Variants in MAGI2 observed in about 807,000 individuals in gnomAD.
The protein encoded by MAGI2 is membrane-associated guanylate kinase, WW and PDZ domain-containing protein 2.
Under a neutral mutation model 133.3 loss-of-function variants are expected in MAGI2, and 35 were observed. That is an observed-to-expected ratio of 0.26 (90% CI 0.20 to 0.35). MAGI2 has a LOEUF of 0.35. Ranked by LOEUF, MAGI2 falls within the 10% of genes least tolerant of loss-of-function variation. The pLI, the probability that MAGI2 is intolerant of heterozygous loss-of-function variation, is 1.00. For synonymous variants in MAGI2, 729 were observed against 710.6 expected (o/e 1.03, Z -0.41); for missense variants, 1,636 against 1,863.4 (o/e 0.88, Z 2.25).
intron 2 of MAGI2, among the ~76,000 whole-genome samples, chr7:78,999,778 T>C (rs1331692236): frequency 6.6e-6 from 1 of 152,194 alleles, no homozygotes; most frequent in African/African-American, 2.4e-5. Context: ...TAAGTTTCGT[T>C]TGTTTACAGA....
chr7:79,299,462 AG>A (rs1378580018), intron 1 of MAGI2, among the ~76,000 whole-genome samples: 31 of 144,702 alleles, frequency 2.1e-4, no homozygotes, highest in Admixed American at 6.8e-4. Flanking sequence ...AGGCTGAGGC[AG>A]GAGAATCGCT....
intron 9 of MAGI2, among the ~76,000 whole-genome samples, chr7:78,339,559 G>C (rs886509596): frequency 2.0e-5 from 3 of 152,158 alleles, no homozygotes; most frequent in African/African-American, 7.2e-5. Flanking sequence ...AAAAAGTAAT[G>C]GATTTGTGAA....
chr7:79,243,598 A>C (rs879788544), intron 1 of MAGI2, among the ~76,000 whole-genome samples: 53 of 152,148 alleles, frequency 3.5e-4, no homozygotes, highest in Non-Finnish European at 7.3e-4. Flanking sequence ...AAGAATTTTA[A>C]ATCTGAGAGA....
chr7:79,099,954 G>C (rs1018320612), intron 1 of MAGI2, among the ~76,000 whole-genome samples: 1 of 152,124 alleles, frequency 6.6e-6, no homozygotes, highest in Non-Finnish European at 1.5e-5. Context: ...AAATAATTGT[G>C]TATATGTCCT....
Position 78,161,866 on chromosome 7 carries a change from G to C in MAGI2, c.2597-1593C>G, listed in dbSNP as rs79538864. Among the ~76,000 whole-genome samples, 494 of 152,206 alleles carry C rather than the reference G, an allele frequency of 3.2e-3. 10 individuals carry two copies. The South Asian group carries it at 0.05, about 15-fold the overall frequency. On this transcript the variant is annotated intron_variant, in intron 15 of 21. Coordinates refer to ENST00000354212, the MANE Select transcript of MAGI2 (RefSeq NM_012301.4). ...TTAATCACGTTTAAATAAAGGAAAA[G>C]ATGGATGCTTTTTGTAAGAAATGTA...
At chr7:79,434,263 G>A (rs1055544925) in intron 1 of MAGI2, among the ~76,000 whole-genome samples, 2 of 152,138 alleles carry the variant, frequency 1.3e-5, no homozygotes, top group Admixed American at 6.5e-5. Flanking sequence ...TAGATGAGAT[G>A]TCGATGAGTA....
intron 3 of MAGI2, among the ~76,000 whole-genome samples, chr7:78,542,291 G>A (rs1282945529): frequency 1.3e-5 from 2 of 152,058 alleles, no homozygotes; most frequent in African/African-American, 4.8e-5. Flanking sequence ...ATTACATTGA[G>A]GTTGATTTTT....
chr7:78,597,961 C>T (rs1462874945), intron 3 of MAGI2, among the ~76,000 whole-genome samples: 1 of 151,862 alleles, frequency 6.6e-6, no homozygotes, highest in Non-Finnish European at 1.5e-5. Flanking sequence ...ATTTTGTAAT[C>T]ACTATAGTAA....
At chr7:79,109,442 T>C (rs1254317550) in intron 1 of MAGI2, among the ~76,000 whole-genome samples, 1 of 152,204 alleles carries the variant, frequency 6.6e-6, no homozygotes, top group East Asian at 1.9e-4. Context: ...TCTGTGGAAG[T>C]TTAAACTTCA....
At chr7:78,547,152 TA>T (rs1798914516) in intron 3 of MAGI2, among the ~76,000 whole-genome samples, 1 of 152,316 alleles carries the variant, frequency 6.6e-6, no homozygotes, top group African/African-American at 2.4e-5. Context: ...TTTCTGGTCA[TA>T]AAAACAACAC....
intron 2 of MAGI2, among the ~76,000 whole-genome samples, chr7:78,990,317 G>GA (rs548566491): frequency 1.6e-4 from 24 of 151,560 alleles, no homozygotes; most frequent in African/African-American, 3.6e-4. Flanking sequence ...AGCTTTACTG[G>GA]AAAAAAAATA....
chr7:78,281,793 GT>G lies in MAGI2; in HGVS notation c.1409-25213del, dbSNP rs1169431912. ...ACTTATCTCCATCAAGAGTTTTTTTGTTAAGTGTCTTGCTAAACTCAAAATA... is the reference window on the plus strand; with the variant it reads ...ACTTATCTCCATCAAGAGTTTTTTTGTAAGTGTCTTGCTAAACTCAAAATA... On this transcript the variant is annotated intron_variant, in intron 9 of 21. Coordinates refer to ENST00000354212, the MANE Select transcript of MAGI2 (RefSeq NM_012301.4). Among the ~76,000 whole-genome samples, 6 of 111,820 alleles carry G rather than the reference GT, an allele frequency of 5.4e-5. No homozygotes were observed. The South Asian group carries it at 1.4e-3, about 26-fold the overall frequency. The allele number at this position is 111,820 out of a possible 152,430, so 73.4% of individuals were successfully genotyped here. A position where few individuals can be genotyped will look rare whatever the true frequency, so the allele number is the denominator to read the frequency against.
chr7:78,394,896 C>T (rs964045868), intron 6 of MAGI2, among the ~76,000 whole-genome samples: 2 of 152,174 alleles, frequency 1.3e-5, no homozygotes, highest in East Asian at 1.9e-4. Context: ...TTTCCATGGC[C>T]GCACTTTAGC....
chr7:79,382,097 A>G (rs1843833337), intron 1 of MAGI2, among the ~76,000 whole-genome samples: 1 of 151,570 alleles, frequency 6.6e-6, no homozygotes, highest in Admixed American at 6.6e-5. Flanking sequence ...CAGGCAGAGG[A>G]AGAAATAATT....
intron 5 of MAGI2, among the ~76,000 whole-genome samples, chr7:78,495,532 A>C (rs1434996641): frequency 2.0e-5 from 3 of 152,180 alleles, no homozygotes; most frequent in African/African-American, 7.2e-5. Context: ...TACTAAAGGC[A>C]ATGATCGGAT....
chr7:79,039,408 C>T (rs1811413377), intron 1 of MAGI2, among the ~76,000 whole-genome samples: 1 of 151,980 alleles, frequency 6.6e-6, no homozygotes, highest in South Asian at 2.1e-4. Flanking sequence ...TATAATGTGT[C>T]ATAATTCTTT....
intron 2 of MAGI2, among the ~76,000 whole-genome samples, chr7:78,723,775 G>A (rs191126421): frequency 2.6e-5 from 4 of 152,242 alleles, no homozygotes; most frequent in Admixed American, 6.5e-5. Context: ...ATACATGACA[G>A]GGAGTTTCTA....
chr7:79,323,344 T>G (rs745425121), intron 1 of MAGI2, among the ~76,000 whole-genome samples: 2 of 152,168 alleles, frequency 1.3e-5, no homozygotes, highest in Non-Finnish European at 2.9e-5. Context: ...AAAATGATAC[T>G]AGAATATCTA....
intron 1 of MAGI2, among the ~76,000 whole-genome samples, chr7:79,383,363 A>G (rs1344128149): frequency 1.3e-5 from 2 of 151,668 alleles, no homozygotes; most frequent in Non-Finnish European, 3.0e-5. Context: ...AGACATGGCT[A>G]GTAAAAACAT....
Sources: gnomAD v4.1 joint callset for allele counts (sites outside exome capture counted in the v4.1 genomes callset) on GRCh38, gnomAD v4.1.1 for gene constraint, MANE v1.5 for transcripts, NCBI Gene and HGNC (gene_info 2026-07-23, HGNC 2026-07-21) for gene names.